Variants in PEAK1 observed in about 807,000 individuals in gnomAD.
PEAK1 encodes pseudopodium enriched atypical kinase 1, also known as inactive tyrosine-protein kinase PEAK1.
In PEAK1, 54 loss-of-function variants were observed where a neutral mutation model predicts 124.7. That is an observed-to-expected ratio of 0.43 (90% confidence interval 0.35 to 0.54). The LOEUF is 0.54. Among genes scored for constraint, PEAK1 ranks in the 20% least tolerant of loss-of-function variants. The pLI is 0.01. For synonymous variants in PEAK1, 719 were observed against 760.0 expected, an observed-to-expected ratio of 0.95 and a Z score of 0.89; for missense variants, 2,046 against 2,134.5, an observed-to-expected ratio of 0.96 and a Z score of 0.82.
intron 6 of PEAK1, among the ~76,000 whole-genome samples, chr15:77,186,085 A>G (rs2057532871): frequency 6.6e-6 from 1 of 152,222 alleles, no homozygotes; most frequent in Admixed American, 6.5e-5. Context: ...TAAAGAAAAT[A>G]GAAACCATAT....
intron 2 of PEAK1, among the ~76,000 whole-genome samples, chr15:77,292,137 G>A (rs1430916368): frequency 1.3e-5 from 2 of 152,092 alleles, no homozygotes; most frequent in Non-Finnish European, 2.9e-5. Context: ...ATCTGTGGTA[G>A]TTATGGTCCA....
chr15:77,417,315 G>A (rs111607334), intron 1 of PEAK1: 1 of 974,164 alleles, frequency 1.0e-6, no homozygotes, highest in Non-Finnish European at 1.2e-6. Context: ...TCAAACAAAT[G>A]TAAACTATCT....
chr15:77,366,608 T>C lies in PEAK1; in HGVS notation c.-665-1383A>G, dbSNP rs187456552. On this transcript the variant is annotated intron_variant, in intron 1 of 9. Transcript: ENST00000682557. The stretch of plus-strand genomic sequence containing the variant: ...TCTCACTCTGTCACCTAGGCTGGAG[T>C]ACAGTGGCGTGATCACAGCTCACTG... Among the ~76,000 whole-genome samples the C allele has an allele frequency of 1.5e-3, 222 of 152,172 alleles. 1 individual carries two copies. The highest frequency in any genetic ancestry group is 5.2e-3 in the African/African-American group (216 of 41,518).
At chr15:77,183,663 G>A (rs984428396) in intron 6 of PEAK1, among the ~76,000 whole-genome samples, 1 of 151,680 alleles carries the variant, frequency 6.6e-6, no homozygotes, top group Non-Finnish European at 1.5e-5. Context: ...AATGACAAGA[G>A]AATGAAGACA....
At chr15:77,120,367 T>C (rs1422787451) in intron 9 of PEAK1, among the ~76,000 whole-genome samples, 2 of 152,142 alleles carry the variant, frequency 1.3e-5, no homozygotes, top group African/African-American at 4.8e-5. Context: ...AACCCATAGA[T>C]TACTTAAACT....
chr15:77,214,498 C>G (rs1041658766), intron 6 of PEAK1, among the ~76,000 whole-genome samples: 6 of 151,210 alleles, frequency 4.0e-5, no homozygotes, highest in African/African-American at 1.5e-4. Flanking sequence ...GTGGCGGGCG[C>G]CTGTAGTCCC....
At chr15:77,317,023 G>A (rs1304507230) in intron 2 of PEAK1, among the ~76,000 whole-genome samples, 1 of 152,214 alleles carries the variant, frequency 6.6e-6, no homozygotes, top group Non-Finnish European at 1.5e-5. Flanking sequence ...GGAGGTTGCA[G>A]TGAACCAAGA....
chr15:77,418,991 T>G, intron 1 of PEAK1: 4 of 985,218 alleles, frequency 4.1e-6, no homozygotes, highest in Non-Finnish European at 4.8e-6. Flanking sequence ...CAACGTATGA[T>G]CTTACCACAT....
chr15:77,170,655 T>C (rs1177310336), intron 7 of PEAK1, among the ~76,000 whole-genome samples: 1 of 152,190 alleles, frequency 6.6e-6, no homozygotes, highest in East Asian at 1.9e-4. Flanking sequence ...TCAACTCCTA[T>C]TGCTAGATAT....
intron 2 of PEAK1, among the ~76,000 whole-genome samples, chr15:77,289,973 A>G (rs2063130093): frequency 6.6e-6 from 1 of 151,804 alleles, no homozygotes; most frequent in East Asian, 1.9e-4. Flanking sequence ...TGTTATAATT[A>G]CTCTTTTTTT....
chr15:77,253,876 T>C (rs952207275), intron 5 of PEAK1, among the ~76,000 whole-genome samples: 1 of 152,214 alleles, frequency 6.6e-6, no homozygotes, highest in African/African-American at 2.4e-5. Context: ...CAGGCTCAAG[T>C]GCCACGATAT....
chr15:77,259,811 T>C (rs1431888407), intron 5 of PEAK1, among the ~76,000 whole-genome samples: 2 of 151,950 alleles, frequency 1.3e-5, no homozygotes, highest in Non-Finnish European at 2.9e-5. Flanking sequence ...ACCACTTCAG[T>C]AGAGGGAGGA....
intron 6 of PEAK1, among the ~76,000 whole-genome samples, chr15:77,227,030 T>C (rs1041442581): frequency 3.9e-5 from 6 of 152,200 alleles, no homozygotes; most frequent in Non-Finnish European, 7.4e-5. Flanking sequence ...CACAATCATC[T>C]GTAATCTTTA....
intron 5 of PEAK1, among the ~76,000 whole-genome samples, chr15:77,254,337 C>CT (rs946274890): frequency 6.6e-6 from 1 of 152,114 alleles, no homozygotes; most frequent in African/African-American, 2.4e-5. Flanking sequence ...CTTATTATTT[C>CT]ACAGGTCATT....
intron 2 of PEAK1, among the ~76,000 whole-genome samples, chr15:77,330,241 C>T (rs926688524): frequency 4.6e-5 from 7 of 152,158 alleles, no homozygotes; most frequent in African/African-American, 1.7e-4. Flanking sequence ...TTTAACAAGG[C>T]TTTGTGGGCA....
intron 9 of PEAK1, among the ~76,000 whole-genome samples, chr15:77,130,128 T>C (rs1287492567): frequency 6.6e-6 from 1 of 152,204 alleles, no homozygotes; most frequent in Admixed American, 6.5e-5. Context: ...ACCAGACCAC[T>C]GATTTGGGAA....
intron 2 of PEAK1, among the ~76,000 whole-genome samples, chr15:77,320,696 C>T (rs1214606780): frequency 1.3e-5 from 2 of 152,050 alleles, no homozygotes. Flanking sequence ...TTTTAGGGTA[C>T]ATGGGCACAA....
chr15:77,262,580 C>A (rs2061497216), intron 5 of PEAK1, among the ~76,000 whole-genome samples: 1 of 151,580 alleles, frequency 6.6e-6, no homozygotes, highest in South Asian at 2.1e-4. Context: ...ATATATGCAC[C>A]CAATACAGGA....
chr15:77,405,010 T>C (rs1046228184), intron 1 of PEAK1, among the ~76,000 whole-genome samples: 1 of 150,384 alleles, frequency 6.6e-6, no homozygotes, highest in Non-Finnish European at 1.5e-5. Flanking sequence ...ATTAGTTTTT[T>C]GTTTTTTTTT....
Sources: allele counts gnomAD v4.1 joint callset (sites outside exome capture counted in the v4.1 genomes callset), GRCh38; gene constraint gnomAD v4.1.1; transcripts MANE v1.5; gene names NCBI Gene and HGNC (gene_info 2026-07-23, HGNC 2026-07-21).